MEI4: variants seen among roughly 807,000 people sequenced by gnomAD.
MEI4 encodes meiosis-specific protein MEI4.
A neutral mutation model predicts 31.4 loss-of-function variants in MEI4; 27 were observed. The observed-to-expected ratio is 0.86, with a 90% CI of 0.63 to 1.19. The LOEUF (loss-of-function observed/expected upper bound fraction) is 1.19. Among genes scored for constraint, MEI4 ranks in the 50% most tolerant of loss-of-function variants. The pLI is 0.00. For missense variants in MEI4, 329 were observed against 398.9 expected (o/e 0.82, Z 1.49); for synonymous variants, 122 against 145.4 (o/e 0.84, Z 1.16).
At chr6:77,887,471 A>C (rs1279335367) in intron 4 of MEI4, among the ~76,000 whole-genome samples, 3 of 151,302 alleles carry the variant, frequency 2.0e-5, no homozygotes, top group Non-Finnish European at 4.4e-5. Context: ...TAATTTTTGT[A>C]CTTTTAGTAG....
In MEI4 at chr6:77,926,344, T is replaced by G. The variant is rs1766844579; in HGVS notation, c.*2998T>G. The G allele has an allele frequency of 6.6e-6, 1 of 151,972 alleles. No homozygotes were observed. The highest frequency in any genetic ancestry group is 2.4e-5 in the African/African-American group (1 of 41,418). The allele number at this position is 151,972 out of a possible 1,614,324, so 9.4% of individuals were successfully genotyped here. A position where few individuals can be genotyped will look rare whatever the true frequency, so the allele number is the denominator to read the frequency against. Reference sequence around the variant, plus strand: ...GTTGTAGCATCTTGCTACTCAAGACTGTAGCCAAGTTACAGATTGTCTTCA... The same window carrying G: ...GTTGTAGCATCTTGCTACTCAAGACGGTAGCCAAGTTACAGATTGTCTTCA... On this transcript the variant is annotated 3_prime_UTR_variant, in exon 5 of 5. Coordinates refer to ENST00000684080, the MANE Select transcript of MEI4 (RefSeq NM_001322247.2).
intron 3 of MEI4, among the ~76,000 whole-genome samples, chr6:77,776,011 T>G (rs1304421933): frequency 6.6e-6 from 1 of 152,138 alleles, no homozygotes; most frequent in Non-Finnish European, 1.5e-5. Flanking sequence ...TCTATTCATG[T>G]CTTTAGCCCA....
intron 2 of MEI4, among the ~76,000 whole-genome samples, chr6:77,731,843 A>C (rs1423660746): frequency 6.6e-6 from 1 of 152,080 alleles, no homozygotes; most frequent in Non-Finnish European, 1.5e-5. Flanking sequence ...AGCTTTCTAC[A>C]TATGGCTAGC....
At chr6:77,884,520 T>A (rs1342369817) in intron 4 of MEI4, among the ~76,000 whole-genome samples, 4 of 152,220 alleles carry the variant, frequency 2.6e-5, no homozygotes, top group Non-Finnish European at 5.9e-5. Context: ...TGTTTTGAGT[T>A]GATTTTTATA....
At chr6:77,826,487 T>G (rs2127710440) in intron 3 of MEI4, among the ~76,000 whole-genome samples, 1 of 152,266 alleles carries the variant, frequency 6.6e-6, no homozygotes, top group African/African-American at 2.4e-5. Flanking sequence ...CTGGAGATCT[T>G]TATATACTAC....
chr6:77,805,430 G>T (rs13193093), intron 3 of MEI4, among the ~76,000 whole-genome samples: 14,003 of 152,032 alleles, frequency 0.092, 940 homozygotes, highest in East Asian at 0.31. Context: ...ATGTATATTT[G>T]AAAAATCTTT....
At chr6:77,919,109 G>A (rs1766638596) in intron 4 of MEI4, among the ~76,000 whole-genome samples, 1 of 151,852 alleles carries the variant, frequency 6.6e-6, no homozygotes, top group African/African-American at 2.4e-5. Flanking sequence ...AGTCAACAAG[G>A]ATACCCAGGA....
chr6:77,653,413 G>A (rs1768333436), intron 1 of MEI4, among the ~76,000 whole-genome samples: 1 of 152,136 alleles, frequency 6.6e-6, no homozygotes, highest in East Asian at 1.9e-4. Flanking sequence ...AGCCAATGGA[G>A]GTTAGTCTTC....
At chr6:77,812,133 T>G (rs1769587928) in intron 3 of MEI4, among the ~76,000 whole-genome samples, 1 of 152,274 alleles carries the variant, frequency 6.6e-6, no homozygotes, top group South Asian at 2.1e-4. Context: ...AACTTTTTTT[T>G]GGTTTTATTT....
intron 3 of MEI4, among the ~76,000 whole-genome samples, chr6:77,824,654 TAA>T (rs11289987): frequency 7.2e-4 from 107 of 148,992 alleles, no homozygotes; most frequent in Non-Finnish European, 6.3e-4. Context: ...ACATTCAAGT[TAA>T]AAAAAAAAAA....
In MEI4 at chr6:77,761,627, C is replaced by A; in HGVS notation, c.730C>A (p.Leu244Ile). 2 of 1,231,730 alleles carry A rather than the reference C, an allele frequency of 1.6e-6. No individual in the cohort carries two copies. Among genetic ancestry groups the A allele is most frequent in the Non-Finnish European group, 2.0e-6 (2 of 987,688 alleles). 76.3% of individuals were successfully genotyped at this position (1,231,730 alleles called of 1,614,324 possible). The change falls in exon 3 of 5, where the codon CTA becomes ATA. Residue 244 changes from leucine (L) to isoleucine (I), a missense_variant. Coordinates refer to ENST00000684080, the MANE Select transcript of MEI4 (RefSeq NM_001322247.2). The part of the protein sequence containing the change: ...SKKLEEFEKT[L>I]LHAILGNNHI... ...GAAGTTGGAAGAATTTGAGAAAACC[C>A]TACTACATGCTATTTTAGGAAACAA... is the stretch of plus-strand genomic sequence containing the variant.
At chr6:77,713,181 C>T (rs1361817439) in intron 2 of MEI4, among the ~76,000 whole-genome samples, 2 of 152,078 alleles carry the variant, frequency 1.3e-5, no homozygotes, top group Non-Finnish European at 2.9e-5. Flanking sequence ...ACACACTCTC[C>T]TGTTCTGAAA....
intron 3 of MEI4, among the ~76,000 whole-genome samples, chr6:77,789,503 T>C (rs1227914282): frequency 6.6e-6 from 1 of 152,084 alleles, no homozygotes; most frequent in Non-Finnish European, 1.5e-5. Flanking sequence ...TGCAATCTAC[T>C]CATCTGACAA....
chr6:77,865,705 G>C (rs1367207064), intron 4 of MEI4, among the ~76,000 whole-genome samples: 1 of 152,126 alleles, frequency 6.6e-6, no homozygotes, highest in Non-Finnish European at 1.5e-5. Context: ...TAGAAAAAGA[G>C]GGAATCCTCC....
chr6:77,713,368 ATTT>A (rs975092262), intron 2 of MEI4, among the ~76,000 whole-genome samples: 1 of 152,004 alleles, frequency 6.6e-6, no homozygotes, highest in African/African-American at 2.4e-5. Flanking sequence ...GAACCTAAGA[ATTT>A]TTTTGTTTGT....
At chr6:77,817,185 AT>A (rs563184951) in intron 3 of MEI4, among the ~76,000 whole-genome samples, 2 of 152,214 alleles carry the variant, frequency 1.3e-5, no homozygotes, top group African/African-American at 4.8e-5. Context: ...TAAGGGCAGA[AT>A]TTTTTTCTAC....
chr6:77,791,569 A>G (rs1163865443), intron 3 of MEI4, among the ~76,000 whole-genome samples: 1 of 149,726 alleles, frequency 6.7e-6, no homozygotes, highest in East Asian at 2.0e-4. Context: ...ATTGGGAGAT[A>G]TACCTAATGC....
chr6:77,670,076 G>A (rs989466776), intron 1 of MEI4, among the ~76,000 whole-genome samples: 12 of 152,058 alleles, frequency 7.9e-5, no homozygotes, highest in African/African-American at 2.7e-4. Context: ...TAATACCTTC[G>A]CAAGACAGAC....
chr6:77,916,855 G>T (rs1199186909), intron 4 of MEI4, among the ~76,000 whole-genome samples: 1 of 151,304 alleles, frequency 6.6e-6, no homozygotes. Flanking sequence ...TGGCATGCTG[G>T]TGCACTGCAC....
Sources: allele counts gnomAD v4.1 joint callset (sites outside exome capture counted in the v4.1 genomes callset), GRCh38; gene constraint gnomAD v4.1.1; transcripts MANE v1.5; gene names NCBI Gene and HGNC (gene_info 2026-07-23, HGNC 2026-07-21).